KALRN: variants seen among roughly 807,000 people sequenced by gnomAD.
The protein encoded by KALRN is kalirin RhoGEF kinase, also known as kalirin.
Under a neutral mutation model 353.7 loss-of-function variants are expected in KALRN, and 70 were observed. That is an observed-to-expected ratio of 0.20 (90% CI 0.16 to 0.24). The LOEUF (loss-of-function observed/expected upper bound fraction) is 0.24, where lower values mean the gene tolerates loss of function less well. Among genes scored for constraint, KALRN ranks in the 10% least tolerant of loss-of-function variants. KALRN has a pLI of 1.00. For synonymous variants in KALRN, 1,391 were observed against 1,434.8 expected, an observed-to-expected ratio of 0.97 and a Z score of 0.69; for missense variants, 2,791 against 3,756.7, an observed-to-expected ratio of 0.74 and a Z score of 6.72.
At chr3:124,067,720 A>G (rs544892638) in intron 1 of KALRN, among the ~76,000 whole-genome samples, 2 of 152,364 alleles carry the variant, frequency 1.3e-5, no homozygotes, top group African/African-American at 4.8e-5. Flanking sequence ...AGGAGGGCAC[A>G]GCAGGTAGGA....
At chr3:124,295,381 T>C (rs145442846) in intron 5 of KALRN, among the ~76,000 whole-genome samples, 105 of 152,334 alleles carry the variant, frequency 6.9e-4, no homozygotes, top group Admixed American at 1.3e-3. Context: ...TGGGATGGCA[T>C]GGGCGCAGAC....
At chr3:124,490,521 C>G (rs2063040502) in intron 29 of KALRN, among the ~76,000 whole-genome samples, 173 bp from the exon 30 acceptor site, 2 of 152,098 alleles carry the variant, frequency 1.3e-5, no homozygotes. Context: ...TTGCAATTCT[C>G]AGAGATGTCT....
intron 23 of KALRN, among the ~76,000 whole-genome samples, chr3:124,457,560 G>A (rs1394704679): frequency 6.6e-6 from 1 of 152,010 alleles, no homozygotes; most frequent in African/African-American, 2.4e-5. Context: ...CCTGCCACCA[G>A]CACCTACACT....
At chr3:124,387,619 G>A (rs1437059253) in intron 11 of KALRN, among the ~76,000 whole-genome samples, 2 of 152,054 alleles carry the variant, frequency 1.3e-5, no homozygotes, top group Non-Finnish European at 2.9e-5. Context: ...AGACTTGAAT[G>A]AATTTTTTTT....
At chr3:124,101,165 C>T (rs546296997) in intron 1 of KALRN, among the ~76,000 whole-genome samples, 3 of 152,128 alleles carry the variant, frequency 2.0e-5, no homozygotes, top group Non-Finnish European at 4.4e-5. Context: ...CTTGACTTTC[C>T]TTCATATTCC....
Position 124,723,614 on chromosome 3 carries a change from A to G in KALRN, c.*4144A>G, listed in dbSNP as rs533526299. ...TAAACTCATGAGATTAAATTCTGTA[A>G]ATTGTTTTCAGTTGGAAGTATCAGG... On this transcript the variant is annotated 3_prime_UTR_variant, in exon 60 of 60. Transcript: ENST00000682506. 1.3e-5 allele frequency: 2 copies of G among 152,302 alleles called. No homozygotes were observed. The highest frequency in any genetic ancestry group is 4.1e-4 in the South Asian group (2 of 4,820). 9.4% of individuals were successfully genotyped at this position (152,302 alleles called of 1,614,324 possible). A position where few individuals can be genotyped will look rare whatever the true frequency, so the allele number is the denominator to read the frequency against.
chr3:124,673,669 A>T (rs1367918823), intron 48 of KALRN, among the ~76,000 whole-genome samples: 1 of 152,008 alleles, frequency 6.6e-6, no homozygotes, highest in Admixed American at 6.6e-5. Context: ...GGCTCTTACC[A>T]TGCTCTATGA....
intron 8 of KALRN, among the ~76,000 whole-genome samples, chr3:124,333,921 A>C (rs1413928567): frequency 2.6e-5 from 4 of 152,176 alleles, no homozygotes; most frequent in Non-Finnish European, 5.9e-5. Flanking sequence ...AAAATTTACC[A>C]AATGCCTACT....
intron 9 of KALRN, among the ~76,000 whole-genome samples, chr3:124,337,467 C>A (rs1174824504): frequency 6.6e-6 from 1 of 152,170 alleles, no homozygotes; most frequent in Non-Finnish European, 1.5e-5. Flanking sequence ...GTATGTTGAA[C>A]CAGCCTTGCA....
intron 33 of KALRN, among the ~76,000 whole-genome samples, chr3:124,511,804 G>C (rs369922503): frequency 6.6e-6 from 1 of 152,190 alleles, no homozygotes; most frequent in East Asian, 1.9e-4. Context: ...TGTCCTGAGA[G>C]GTACATTTCT....
chr3:124,349,123 A>G (rs1456879953), intron 10 of KALRN, among the ~76,000 whole-genome samples: 1 of 152,262 alleles, frequency 6.6e-6, no homozygotes, highest in African/African-American at 2.4e-5. Flanking sequence ...TTCTATTCAG[A>G]TAATGGAATA....
intron 1 of KALRN, among the ~76,000 whole-genome samples, chr3:124,227,673 T>A (rs57581383): frequency 5.7e-4 from 13 of 22,990 alleles, no homozygotes; most frequent in African/African-American, 2.2e-3. Flanking sequence ...GTTTTTTTTT[T>A]TTTTTTTTTT....
intron 1 of KALRN, among the ~76,000 whole-genome samples, chr3:124,049,197 G>T (rs2040810079): frequency 6.6e-6 from 1 of 152,180 alleles, no homozygotes; most frequent in African/African-American, 2.4e-5. Context: ...ATCTGTTCTT[G>T]AGCTTGAATG....
intron 45 of KALRN, among the ~76,000 whole-genome samples, chr3:124,663,670 C>T (rs1485231267): frequency 6.6e-6 from 1 of 152,114 alleles, no homozygotes; most frequent in Non-Finnish European, 1.5e-5. Context: ...GAAACCTAAG[C>T]TTTCATTATT....
At chr3:124,344,236 G>A (rs755500673) in intron 9 of KALRN, among the ~76,000 whole-genome samples, 1 of 152,182 alleles carries the variant, frequency 6.6e-6, no homozygotes, top group Non-Finnish European at 1.5e-5. Context: ...TTCAGATTCT[G>A]GGACCTTGTT....
In KALRN at chr3:124,528,332, A is replaced by G. The variant is rs76773873; in HGVS notation, c.4935+31919A>G. ...TTGGATAATAATTCATATAGAGTAT[A>G]CCTATTGCTTGGTTCCCTGTGCCCA... On this transcript the variant is annotated intron_variant, in intron 33 of 59. Transcript: ENST00000682506. Among the ~76,000 whole-genome samples the G allele has an allele frequency of 3.9e-5, 6 of 152,318 alleles. No individual in the cohort carries two copies. The East Asian group carries it at 1.2e-3, about 29-fold the overall frequency.
chr3:124,230,281 G>A (rs2079001257), intron 2 of KALRN, among the ~76,000 whole-genome samples: 1 of 152,140 alleles, frequency 6.6e-6, no homozygotes, highest in South Asian at 2.1e-4. Flanking sequence ...TCCCTCTGCA[G>A]TGCCTTCTCC....
At chr3:124,403,264 A>T (rs1020904237) in intron 13 of KALRN, among the ~76,000 whole-genome samples, 2 of 152,218 alleles carry the variant, frequency 1.3e-5, no homozygotes, top group African/African-American at 4.8e-5. Flanking sequence ...GCTTGATAAA[A>T]TATATGTGCA....
At position 124,650,849 on chromosome 3, in the gene KALRN, T is replaced by C; in HGVS notation, c.5706T>C (p.Pro1902=). The C allele has an allele frequency of 6.2e-7, 1 of 1,614,036 alleles. No homozygotes were observed. Among genetic ancestry groups the C allele is most frequent in the Non-Finnish European group, 8.5e-7 (1 of 1,179,882 alleles). ...GSSYRGSLKD[P]AGCLNEGMAP... Reference sequence around the variant, plus strand: ...CATACCGGGGGAGCTTGAAAGACCCTGCAGGCTGCCTGAATGAGGGGATGG... The same window carrying C: ...CATACCGGGGGAGCTTGAAAGACCCCGCAGGCTGCCTGAATGAGGGGATGG... The change falls in exon 38 of 60, where the codon CCT becomes CCC. Residue 1902 remains proline, a synonymous_variant. Coordinates refer to ENST00000682506, the MANE Select transcript of KALRN (RefSeq NM_001388419.1).
Sources: allele counts gnomAD v4.1 joint callset (sites outside exome capture counted in the v4.1 genomes callset), GRCh38; gene constraint gnomAD v4.1.1; transcripts MANE v1.5; gene names NCBI Gene and HGNC (gene_info 2026-07-23, HGNC 2026-07-21).